The following SYNE2 variants were observed in gnomAD, a reference collection of about 807,000 sequenced individuals.
The protein encoded by SYNE2 is nesprin-2.
A neutral mutation model predicts 856.3 loss-of-function variants in SYNE2; 431 were observed. The ratio of observed to expected loss-of-function variants is 0.50; its 90% CI spans 0.47 to 0.55. The LOEUF (loss-of-function observed/expected upper bound fraction) is 0.55. Among genes scored for constraint, SYNE2 ranks in the 20% least tolerant of loss-of-function variants. The probability of loss-of-function intolerance (pLI) is 0.00; values close to 1 mark genes in which losing one functional copy is unlikely to be tolerated. For missense variants in SYNE2, 8,129 were observed against 8,023.2 expected, an observed-to-expected ratio of 1.01 and a Z score of -0.50; for synonymous variants, 2,923 against 2,872.3, an observed-to-expected ratio of 1.02 and a Z score of -0.56.
rs147584778 is a variant in SYNE2 at position 64,025,586 on chromosome 14, A to T, written c.6252+165A>T. Among the ~76,000 whole-genome samples the T allele has an allele frequency of 1.1e-3, 163 of 152,368 alleles. 3 individuals are homozygous for T. In the South Asian group the frequency reaches 0.015, roughly 14 times the overall value. On this transcript the variant is annotated intron_variant, in intron 41 of 115. Coordinates refer to ENST00000555002, the MANE Select transcript of SYNE2 (RefSeq NM_182914.3). Reference sequence around the variant, plus strand: ...TTACAAAAAAGAAGGGTTGTGACGGATCTAAAATTACTTGGATGCACATGA... The same window carrying T: ...TTACAAAAAAGAAGGGTTGTGACGGTTCTAAAATTACTTGGATGCACATGA...
At chr14:63,899,770 G>A (rs889062061) in intron 1 of SYNE2, among the ~76,000 whole-genome samples, 21 of 152,304 alleles carry the variant, frequency 1.4e-4, no homozygotes, top group African/African-American at 5.1e-4. Flanking sequence ...CCACAGTGCT[G>A]GGATTACAGG....
Position 64,219,345 on chromosome 14 carries a change from A to G in SYNE2, c.19795A>G (p.Met6599Val). Reference sequence around the variant, plus strand: ...GAAAAAAACTGAAGCAGAGCTGGAAATGTTAAAGATGGCAAAGCCTCCCTC... The same window carrying G: ...GAAAAAAACTGAAGCAGAGCTGGAAGTGTTAAAGATGGCAAAGCCTCCCTC... The part of the protein sequence containing the change: ...WLKKTEAELE[M>V]LKMAKPPSDI... Residue 6599 changes from methionine to valine, a missense_variant, in exon 110 of 116, where the codon ATG (methionine) becomes GTG (valine). Physicochemically the swap from Met to Val is conservative, Grantham distance 21. This residue lies in a region of SYNE2 where 5,410 missense variants were observed against 5,284.8 expected (regional missense o/e 1.02). Transcript: ENST00000555002. 1 of 1,614,140 alleles carries G rather than the reference A, an allele frequency of 6.2e-7. No individual in the cohort carries two copies. Among genetic ancestry groups the G allele is most frequent in the African/African-American group, 1.3e-5 (1 of 75,034 alleles).
At chr14:63,811,947 AG>A (rs1213592278) in intron 1 of SYNE2, among the ~76,000 whole-genome samples, 1 of 152,224 alleles carries the variant, frequency 6.6e-6, no homozygotes, top group Non-Finnish European at 1.5e-5. Context: ...CACAAGGCAA[AG>A]GGTGAAATAA....
chr14:63,822,859 A>G (rs185534892), intron 1 of SYNE2, among the ~76,000 whole-genome samples: 3 of 152,296 alleles, frequency 2.0e-5, no homozygotes, highest in Admixed American at 2.0e-4. Context: ...ATCCTAGAAC[A>G]TTGAGAGGCT....
intron 21 of SYNE2, among the ~76,000 whole-genome samples, chr14:63,991,975 T>G (rs1042729347): frequency 6.6e-6 from 1 of 152,172 alleles, no homozygotes; most frequent in Non-Finnish European, 1.5e-5. Context: ...TTTGGCCTAC[T>G]GGATTTGCTA....
At chr14:64,065,713 CT>C in intron 51 of SYNE2, 63 bp downstream of exon 51, 1 of 1,564,366 alleles carries the variant, frequency 6.4e-7, no homozygotes, top group African/African-American at 1.4e-5. Flanking sequence ...TGTTTTATTA[CT>C]TTCACCTTGT....
intron 1 of SYNE2, among the ~76,000 whole-genome samples, chr14:63,859,417 C>T (rs1892876254): frequency 1.3e-5 from 2 of 152,152 alleles, no homozygotes; most frequent in Admixed American, 1.3e-4. Flanking sequence ...GACTTTTCTT[C>T]TTTTCTGATA....
chr14:64,134,045 A>T (rs749619421), intron 77 of SYNE2, 24 bp from the exon 78 acceptor site: 1 of 1,613,508 alleles, frequency 6.2e-7, no homozygotes, highest in Non-Finnish European at 8.5e-7. Flanking sequence ...GGCTTCCACT[A>T]ATTTTATGTC....
At chr14:63,790,210 T>A (rs1887684315) in intron 1 of SYNE2, among the ~76,000 whole-genome samples, 1 of 151,958 alleles carries the variant, frequency 6.6e-6, no homozygotes, top group South Asian at 2.1e-4. Flanking sequence ...CATGCACCTG[T>A]AGTCCCAGCT....
rs1194513602 is a variant in SYNE2 at position 63,893,885 on chromosome 14, C to G, written c.-51-15213C>G. On this transcript the variant is annotated intron_variant, in intron 1 of 115. Coordinates refer to ENST00000555002, the MANE Select transcript of SYNE2 (RefSeq NM_182914.3). Reference sequence around the variant, plus strand: ...CCGTAGTATACTCCAGCTTAAAATGCCTGGAAGGGTCTAACGAGCTAGGCG... The same window carrying G: ...CCGTAGTATACTCCAGCTTAAAATGGCTGGAAGGGTCTAACGAGCTAGGCG... Among the ~76,000 whole-genome samples, 3 of 152,120 alleles carry G rather than the reference C, an allele frequency of 2.0e-5. No individual in the cohort carries two copies. In the East Asian group the frequency reaches 5.8e-4, roughly 29 times the overall value.
intron 6 of SYNE2, among the ~76,000 whole-genome samples, chr14:63,943,644 A>C (rs1380056580): frequency 6.8e-6 from 1 of 148,020 alleles, no homozygotes; most frequent in East Asian, 2.0e-4. Context: ...TCTGTGTTTT[A>C]TTTATTTTTA....
chr14:63,824,126 C>T (rs1230340646), intron 1 of SYNE2, among the ~76,000 whole-genome samples: 1 of 152,146 alleles, frequency 6.6e-6, no homozygotes, highest in Non-Finnish European at 1.5e-5. Context: ...ATCACTTGAG[C>T]TCAGAAGTTA....
intron 78 of SYNE2, among the ~76,000 whole-genome samples, chr14:64,134,821 C>CAAAA: frequency 1.7e-5 from 2 of 120,744 alleles, no homozygotes; most frequent in Admixed American, 8.4e-5. Context: ...TACTAAAATA[C>CAAAA]AAAAAAAAAA....
chr14:63,794,955 G>A (rs1283239408), intron 1 of SYNE2, among the ~76,000 whole-genome samples: 3 of 152,184 alleles, frequency 2.0e-5, no homozygotes, highest in African/African-American at 7.2e-5. Flanking sequence ...ACTTGTATGT[G>A]AACCGTTTTT....
chr14:64,095,762 A>G (rs1408336220), intron 61 of SYNE2, among the ~76,000 whole-genome samples: 1 of 152,096 alleles, frequency 6.6e-6, no homozygotes, highest in East Asian at 1.9e-4. Flanking sequence ...AAAAATACAT[A>G]CTGCTGTGGT....
chr14:63,801,597 T>C (rs143434644), intron 1 of SYNE2, among the ~76,000 whole-genome samples: 2,108 of 152,172 alleles, frequency 0.014, 43 homozygotes, highest in African/African-American at 0.048. Flanking sequence ...AAGAATCACT[T>C]GAACCCGGGA....
intron 100 of SYNE2, among the ~76,000 whole-genome samples, chr14:64,203,502 G>T (rs890403542): frequency 2.6e-5 from 4 of 152,118 alleles, no homozygotes; most frequent in African/African-American, 9.7e-5. Flanking sequence ...TGGAAATTGG[G>T]CAGTTTGAAA....
At position 64,221,696 on chromosome 14, in the gene SYNE2, G is replaced by T. The variant is rs759377087; in HGVS notation, c.20182G>T (p.Glu6728Ter). The T allele has an allele frequency of 6.2e-7, 1 of 1,614,034 alleles. No individual in the cohort carries two copies. Among genetic ancestry groups the T allele is most frequent in the Admixed American group, 1.7e-5 (1 of 60,028 alleles). Residue 6728 changes from glutamate (E) to a stop codon, truncating the protein, a stop_gained, in exon 112 of 116, where the codon GAA (glutamate) becomes TAA (stop). Coordinates refer to ENST00000555002, the MANE Select transcript of SYNE2 (RefSeq NM_182914.3). LOFTEE classifies it high-confidence loss of function. Reference sequence around the variant, plus strand: ...CCGGGCTCTCCTAGAGTGTCGGAGGGAACTAATGGTAAGTTTCCTCCCAAG... The same window carrying T: ...CCGGGCTCTCCTAGAGTGTCGGAGGTAACTAATGGTAAGTTTCCTCCCAAG... ...DPRALLECRR[E>*]LMQLEKELVE...
At chr14:64,100,524 AAAAAAAAATAT>A (rs1567297415) in intron 63 of SYNE2, among the ~76,000 whole-genome samples, 1 of 76,194 alleles carries the variant, frequency 1.3e-5, no homozygotes, top group Non-Finnish European at 2.3e-5. Flanking sequence ...CAAAAAAAAA[AAAAAAAAATAT>A]ATATATATAT....
Sources: gnomAD v4.1 joint callset for allele counts (sites outside exome capture counted in the v4.1 genomes callset) on GRCh38, gnomAD v4.1.1 for gene constraint, gnomAD v4.1.1 regional missense constraint, MANE v1.5 for transcripts, NCBI Gene and HGNC (gene_info 2026-07-23, HGNC 2026-07-21) for gene names.